The following GPRIN3 variants were observed in gnomAD, a reference collection of about 807,000 sequenced individuals.
GPRIN3 encodes GPRIN family member 3.
In GPRIN3, 12 loss-of-function variants were observed where a neutral mutation model predicts 13.7. That is an observed-to-expected ratio of 0.87 (90% CI 0.56 to 1.42). The LOEUF (loss-of-function observed/expected upper bound fraction) is 1.42, where lower values mean the gene tolerates loss of function less well. Among genes scored for constraint, GPRIN3 ranks in the 40% most tolerant of loss-of-function variants. The pLI, the probability that GPRIN3 is intolerant of heterozygous loss-of-function variation, is 0.00. For synonymous variants in GPRIN3, 377 were observed against 372.7 expected (o/e 1.01, Z -0.13); for missense variants, 1,009 against 958.7 (o/e 1.05, Z -0.69).
At chr4:89,258,962 T>C (rs1170074431) in intron 1 of GPRIN3, among the ~76,000 whole-genome samples, 1 of 152,244 alleles carries the variant, frequency 6.6e-6, no homozygotes, top group African/African-American at 2.4e-5. Flanking sequence ...GCTTAGAATA[T>C]AATAAACAAT....
intron 1 of GPRIN3, among the ~76,000 whole-genome samples, chr4:89,292,993 G>A (rs1477165530): frequency 6.6e-6 from 1 of 152,150 alleles, no homozygotes; most frequent in South Asian, 2.1e-4. Flanking sequence ...GAGTTCAGTG[G>A]TAAATGACAT....
chr4:89,302,781 T>G (rs1295679047), intron 1 of GPRIN3, among the ~76,000 whole-genome samples: 1 of 152,170 alleles, frequency 6.6e-6, no homozygotes, highest in African/African-American at 2.4e-5. Context: ...ATTCCAGACT[T>G]GACTCTTACG....
intron 1 of GPRIN3, among the ~76,000 whole-genome samples, chr4:89,260,742 T>C (rs1367639933): frequency 6.6e-6 from 1 of 152,126 alleles, no homozygotes; most frequent in East Asian, 1.9e-4. Context: ...TGTAAGTAAG[T>C]CTAAAGAAAA....
At chr4:89,260,732 TGTAA>T (rs1439147092) in intron 1 of GPRIN3, among the ~76,000 whole-genome samples, 1 of 152,140 alleles carries the variant, frequency 6.6e-6, no homozygotes, top group African/African-American at 2.4e-5. Flanking sequence ...GTTGCCCCTA[TGTAA>T]GTAAGTCTAA....
chr4:89,276,385 G>T (rs1290254191), intron 1 of GPRIN3, among the ~76,000 whole-genome samples: 1 of 152,080 alleles, frequency 6.6e-6, no homozygotes, highest in African/African-American at 2.4e-5. Flanking sequence ...CTTAATTACA[G>T]ACTCCTTTCA....
chr4:89,291,120 C>T (rs1724559784), intron 1 of GPRIN3, among the ~76,000 whole-genome samples: 1 of 152,198 alleles, frequency 6.6e-6, no homozygotes, highest in South Asian at 2.1e-4. Context: ...CCATAGCCTG[C>T]TTTTCTGACC....
rs1416843096 is a variant in GPRIN3, at chr4:89,239,622, A to T, written c.*8158T>A. 2.0e-5 allele frequency: 3 copies of T among 152,110 alleles called. No individual in the cohort carries two copies. Among genetic ancestry groups the T allele is most frequent in the African/African-American group, 2.4e-5 (1 of 41,418 alleles). 9.4% of individuals were successfully genotyped at this position (152,110 alleles called of 1,614,324 possible). A position where few individuals can be genotyped will look rare whatever the true frequency, so the allele number is the denominator to read the frequency against. On this transcript the variant is annotated 3_prime_UTR_variant, in exon 2 of 2. Transcript: ENST00000609438. ...AGAAGTGGTTGTTTGTACTTTGCCA[A>T]ATGGAATTCTCTATCAAGGGGTGAT...
intron 1 of GPRIN3, among the ~76,000 whole-genome samples, chr4:89,276,855 C>A (rs971329597): frequency 6.6e-6 from 1 of 152,124 alleles, no homozygotes; most frequent in Non-Finnish European, 1.5e-5. Flanking sequence ...TGAGCTCCTG[C>A]AGCTCAAGTT....
rs2149252650 is a variant in GPRIN3, at chr4:89,248,099, G to T, written c.2012C>A (p.Ser671Tyr). ...CTTGGACTGTTTCAGCTGGAGCTTG[G>T]AGTCTGCGCCAAGCTGCTTTTTCTT... ...GDKKKQLGAD[S>Y]KLQLKQSKRV... is the part of the protein sequence containing the mutation. The change falls in exon 2 of 2, where the codon TCC (serine) becomes TAC (tyrosine). Residue 671 changes from serine (S) to tyrosine (Y), a missense_variant. Coordinates refer to ENST00000609438, the MANE Select transcript of GPRIN3 (RefSeq NM_198281.3). 3 of 1,614,154 alleles carry T rather than the reference G, an allele frequency of 1.9e-6. No individual in the cohort carries two copies. Among genetic ancestry groups the T allele is most frequent in the Non-Finnish European group, 2.5e-6 (3 of 1,180,008 alleles).
intron 1 of GPRIN3, among the ~76,000 whole-genome samples, chr4:89,270,397 G>T (rs1723900732): frequency 6.6e-6 from 1 of 150,396 alleles, no homozygotes; most frequent in South Asian, 2.2e-4. Flanking sequence ...AAAGTTGCCA[G>T]ACAAATGTAT....
chr4:89,286,397 G>C (rs1270521431), intron 1 of GPRIN3, among the ~76,000 whole-genome samples: 6 of 152,138 alleles, frequency 3.9e-5, no homozygotes, highest in Non-Finnish European at 8.8e-5. Context: ...ACCTGCTTGG[G>C]AAAAGCTTTG....
At chr4:89,300,592 G>A (rs2110026630) in intron 1 of GPRIN3, among the ~76,000 whole-genome samples, 1 of 152,300 alleles carries the variant, frequency 6.6e-6, no homozygotes, top group East Asian at 1.9e-4. Context: ...CAGGTAAAGT[G>A]AAGAGTACCA....
At chr4:89,285,953 C>G (rs982130859) in intron 1 of GPRIN3, among the ~76,000 whole-genome samples, 1 of 152,144 alleles carries the variant, frequency 6.6e-6, no homozygotes, top group Admixed American at 6.5e-5. Context: ...TAATCATTTT[C>G]TAGCTTGACT....
intron 1 of GPRIN3, among the ~76,000 whole-genome samples, chr4:89,260,494 G>A (rs1446537966): frequency 6.6e-6 from 1 of 152,180 alleles, no homozygotes; most frequent in African/African-American, 2.4e-5. Context: ...ATTAAGTTAG[G>A]CATCGCGAGT....
chr4:89,256,638 G>T (rs2149261435), intron 1 of GPRIN3, among the ~76,000 whole-genome samples: 1 of 152,254 alleles, frequency 6.6e-6, no homozygotes, highest in Admixed American at 6.5e-5. Context: ...GCCCACTTCA[G>T]AACCACTGCA....
Position 89,266,180 on chromosome 4 carries a change from A to T in GPRIN3, c.-123-15947T>A, listed in dbSNP as rs74322121. 3.7e-3 allele frequency among the ~76,000 whole-genome samples: 558 copies of T among 152,320 alleles called. 5 individuals carry two copies. The highest frequency in any genetic ancestry group is 0.012 in the African/African-American group (504 of 41,574). On this transcript the variant is annotated intron_variant, in intron 1 of 1. Coordinates refer to ENST00000609438, the MANE Select transcript of GPRIN3 (RefSeq NM_198281.3). ...CCCTTGGAATTGAATTTAAGATAGT[A>T]AACAAAATAACTGGTTAGGGCTTAT...
At chr4:89,262,013 T>C (rs945100294) in intron 1 of GPRIN3, among the ~76,000 whole-genome samples, 7 of 151,222 alleles carry the variant, frequency 4.6e-5, no homozygotes, top group African/African-American at 1.7e-4. Flanking sequence ...TCCCAGCTAC[T>C]TGGTTAGGAG....
intron 1 of GPRIN3, among the ~76,000 whole-genome samples, chr4:89,255,344 G>A (rs1015114412): frequency 2.0e-5 from 3 of 152,128 alleles, no homozygotes; most frequent in African/African-American, 7.2e-5. Context: ...CAGCAACTTG[G>A]CACATATTAA....
chr4:89,295,960 T>A (rs974818751), intron 1 of GPRIN3, among the ~76,000 whole-genome samples: 4 of 152,364 alleles, frequency 2.6e-5, no homozygotes, highest in Admixed American at 6.5e-5. Context: ...CTTGTTATAT[T>A]ATTTTTTGTA....
Sources: allele counts gnomAD v4.1 joint callset (sites outside exome capture counted in the v4.1 genomes callset), GRCh38; gene constraint gnomAD v4.1.1; transcripts MANE v1.5; gene names NCBI Gene and HGNC (gene_info 2026-07-23, HGNC 2026-07-21).